The following HLA-DRB5 variants were observed in gnomAD, a reference collection of about 807,000 sequenced individuals.
HLA-DRB5 encodes the protein major histocompatibility complex, class II, DR beta 5, also known as DR beta-5.
HLA-DRB5 carries 11 observed loss-of-function variants against 22.4 expected under a neutral mutation model. That is an observed-to-expected ratio of 0.49 (90% confidence interval 0.31 to 0.81). The LOEUF is 0.81. Ranked by LOEUF, HLA-DRB5 falls within the 40% of genes least tolerant of loss-of-function variation. The pLI, the probability that HLA-DRB5 is intolerant of heterozygous loss-of-function variation, is 0.05. For synonymous variants in HLA-DRB5, 57 were observed against 106.0 expected (o/e 0.54, Z 2.84); for missense variants, 106 against 274.4 (o/e 0.39, Z 4.34).
chr6:32,521,266 C>G (rs116318968), intron 2 of HLA-DRB5, among the ~76,000 whole-genome samples: 6,258 of 54,132 alleles, frequency 0.12, 25 homozygotes, highest in East Asian at 0.15. Context: ...GTCATTTCAA[C>G]TATGTAAAAA....
chr6:32,521,587 C>CAA (rs1454451194), intron 2 of HLA-DRB5, among the ~76,000 whole-genome samples: 1,060 of 74,580 alleles, frequency 0.014, no homozygotes, highest in East Asian at 0.031. Context: ...CCAAGGTCTC[C>CAA]TCTCTCTCCA....
rs879229020 is a variant in HLA-DRB5 at position 32,521,811 on chromosome 6, T to TCTCTCACA, written c.370+93_370+94insTGTGAGAG. ...CTCTGTCTCTCTCTTCCTCTCTCTC[T>TCTCTCACA]CACACACACACACACACACACACAC... On this transcript the variant is annotated intron_variant, in intron 2 of 5. Coordinates refer to ENST00000374975, the MANE Select transcript of HLA-DRB5 (RefSeq NM_002125.4). The TCTCTCACA allele has an allele frequency of 5.7e-4, 142 of 249,308 alleles. 2 individuals carry two copies. Among genetic ancestry groups the TCTCTCACA allele is most frequent in the African/African-American group, 1.1e-3 (17 of 15,340 alleles). 15.4% of individuals were successfully genotyped at this position (249,308 alleles called of 1,614,324 possible).
chr6:32,525,822 C>CG (rs200225319), intron 1 of HLA-DRB5, among the ~76,000 whole-genome samples: 2,546 of 74,254 alleles, frequency 0.034, no homozygotes, highest in East Asian at 0.1. Context: ...TGATGGAGAC[C>CG]AGATTCATTT....
intron 1 of HLA-DRB5, among the ~76,000 whole-genome samples, chr6:32,523,124 C>T (rs535671659): frequency 0.28 from 11,019 of 39,528 alleles, 1,447 homozygotes; most frequent in Admixed American, 0.35. Context: ...GGGAAAGTAT[C>T]AAAGAGATTT....
Position 32,518,066 on chromosome 6 carries a change from G to T in HLA-DRB5, c.775C>A (p.Leu259Ile). 1 of 458,506 alleles carries T rather than the reference G, an allele frequency of 2.2e-6. No individual in the cohort carries two copies. Among genetic ancestry groups the T allele is most frequent in the Non-Finnish European group, 3.0e-6 (1 of 333,760 alleles). 28.4% of individuals were successfully genotyped at this position (458,506 alleles called of 1,614,324 possible). The part of the protein sequence containing the change: ...YFKNQKGHSG[L>I]HPTGLVS ...TAAAAGGTATTACCTGTTGGGTGAA[G>T]TCCAGAGTGCCCTGGGAAAAAGAGG... Residue 259 changes from leucine (L) to isoleucine (I), a missense_variant, in exon 5 of 6, where the codon CTT becomes ATT. By Grantham distance (5) the Leu-to-Ile change is conservative. Transcript: ENST00000374975.
intron 1 of HLA-DRB5, among the ~76,000 whole-genome samples, chr6:32,522,965 A>G (rs199532043): frequency 0.083 from 8,549 of 102,422 alleles, 91 homozygotes; most frequent in East Asian, 0.13. Context: ...GAATTGATGA[A>G]CTTCTTCAAG....
intron 1 of HLA-DRB5, among the ~76,000 whole-genome samples, chr6:32,523,518 C>T (rs796440259): frequency 1.4e-3 from 53 of 38,608 alleles, no homozygotes; most frequent in Non-Finnish European, 1.6e-3. Flanking sequence ...AATGTAGAAT[C>T]ACTACAGAAA....
intron 4 of HLA-DRB5, among the ~76,000 whole-genome samples, 170 bp from the exon 5 acceptor site, chr6:32,518,247 C>A (rs79246516): frequency 0.027 from 1,316 of 48,060 alleles, 11 homozygotes; most frequent in Non-Finnish European, 0.03. Context: ...TGAAGCATGA[C>A]ATGTCTGTCA....
chr6:32,518,855 T>G (rs147404658), intron 3 of HLA-DRB5, among the ~76,000 whole-genome samples, 189 bp from the exon 4 acceptor site: 2,047 of 48,242 alleles, frequency 0.042, 23 homozygotes, highest in Middle Eastern at 0.058. Context: ...AGGGATCAAA[T>G]TCATTCTAAT....
chr6:32,522,122 C>T lies in HLA-DRB5; in HGVS notation c.153G>A (p.Glu51=), dbSNP rs1769001577. 9.8e-7 allele frequency: 1 copy of T among 1,020,996 alleles called. No homozygotes were observed. The highest frequency in any genetic ancestry group is 2.1e-5 in the Admixed American group (1 of 47,188). The allele number at this position is 1,020,996 out of a possible 1,614,324, so 63.2% of individuals were successfully genotyped here. Residue 51 remains glutamate (E), a synonymous_variant, in exon 2 of 6, where the codon GAG becomes GAA. Coordinates refer to ENST00000374975, the MANE Select transcript of HLA-DRB5 (RefSeq NM_002125.4). ...KYECHFFNGT[E]RVRFLHRDIY... ...TGTCTCTGTGCAGGAACCGCACCCG[C>T]TCCGTCCCGTTGAAGAAATGACACT...
rs1185027364 is a variant in HLA-DRB5, at chr6:32,526,293, GA to G, written c.100+3831del. 1.2e-3 allele frequency among the ~76,000 whole-genome samples: 32 copies of G among 27,176 alleles called. 11 individuals carry two copies. Among genetic ancestry groups the G allele is most frequent in the Non-Finnish European group, 1.8e-3 (25 of 13,766 alleles). 17.8% of individuals were successfully genotyped at this position (27,176 alleles called of 152,430 possible). ...CACAATTGGCCTCTCCCTTCTCCTTGAAAAAAAAAAATCTATTTTTCTTGAC... is the reference window on the plus strand; with the variant it reads ...CACAATTGGCCTCTCCCTTCTCCTTGAAAAAAAAAATCTATTTTTCTTGAC... On this transcript the variant is annotated intron_variant, in intron 1 of 5. Transcript: ENST00000374975.
chr6:32,523,082 T>C (rs7766747), intron 1 of HLA-DRB5, among the ~76,000 whole-genome samples: 3,235 of 68,140 alleles, frequency 0.047, 71 homozygotes, highest in East Asian at 0.12. Context: ...TTGTGGGTGG[T>C]GTTAGGATCT....
In HLA-DRB5 at chr6:32,517,503, G is replaced by A; in HGVS notation, c.*236C>T. The A allele has an allele frequency of 6.2e-6, 1 of 162,006 alleles. No individual in the cohort carries two copies. 10.0% of individuals were successfully genotyped at this position (162,006 alleles called of 1,614,324 possible). ...GATGCATGGGAGGCCGTAGGGTTAG[G>A]TAAAGGGGAGCACTAAAGTTGAAGA... On this transcript the variant is annotated 3_prime_UTR_variant, in exon 6 of 6. Transcript: ENST00000374975.
chr6:32,520,037 C>G (rs141114903), intron 2 of HLA-DRB5, among the ~76,000 whole-genome samples: 781 of 33,636 alleles, frequency 0.023, 104 homozygotes, highest in Middle Eastern at 0.065. Flanking sequence ...TCTCAACTTT[C>G]TCACCCATAA....
At chr6:32,523,789 GGT>G (rs1769253038) in intron 1 of HLA-DRB5, among the ~76,000 whole-genome samples, 797 of 77,560 alleles carry the variant, frequency 0.01, 1 homozygote, top group Admixed American at 0.014. Context: ...AACTGAATTG[GGT>G]GCTGAGTGTA....
At chr6:32,526,475 C>T (rs4376370) in intron 1 of HLA-DRB5, among the ~76,000 whole-genome samples, 1 of 52,296 alleles carries the variant, frequency 1.9e-5, no homozygotes, top group Non-Finnish European at 3.6e-5. Flanking sequence ...CTATTGATGC[C>T]ACCAACATAA....
At chr6:32,519,084 G>A (rs113121408) in intron 3 of HLA-DRB5, among the ~76,000 whole-genome samples, 3,540 of 97,926 alleles carry the variant, frequency 0.036, no homozygotes, top group African/African-American at 0.041. Flanking sequence ...CAGACCCAGA[G>A]GCAGGGTCTG....
chr6:32,519,957 G>A (rs1344628535), intron 2 of HLA-DRB5, among the ~76,000 whole-genome samples: 2 of 76,544 alleles, frequency 2.6e-5, no homozygotes, highest in Admixed American at 1.5e-4. Flanking sequence ...CCTGAGCCAG[G>A]TTGCCTGGCT....
intron 1 of HLA-DRB5, among the ~76,000 whole-genome samples, chr6:32,529,892 G>C (rs541988054): frequency 6.6e-5 from 10 of 150,862 alleles, no homozygotes; most frequent in African/African-American, 2.4e-4. Flanking sequence ...GGTTTCATTG[G>C]TGGAGATTTG....
Sources: gnomAD v4.1 joint callset for allele counts (sites outside exome capture counted in the v4.1 genomes callset) on GRCh38, gnomAD v4.1.1 for gene constraint, MANE v1.5 for transcripts, NCBI Gene and HGNC (gene_info 2026-07-23, HGNC 2026-07-21) for gene names.